Variants in UNC5D observed in about 807,000 individuals in gnomAD.
UNC5D encodes the protein netrin receptor UNC5D.
Under a neutral mutation model 105.4 loss-of-function variants are expected in UNC5D, and 39 were observed. The ratio of observed to expected loss-of-function variants is 0.37; its 90% CI spans 0.29 to 0.48. The LOEUF is 0.48. Among genes scored for constraint, UNC5D ranks in the 20% least tolerant of loss-of-function variants. The pLI is 0.98. For synonymous variants in UNC5D, 452 were observed against 450.4 expected (o/e 1.00, Z -0.04); for missense variants, 991 against 1,202.4 (o/e 0.82, Z 2.60).
rs1803093438 is a variant in UNC5D at position 35,792,638 on chromosome 8, G to T, written c.*2075G>T. The T allele has an allele frequency of 6.2e-6, 1 of 161,450 alleles. No individual in the cohort carries two copies. The highest frequency in any genetic ancestry group is 6.4e-5 in the Admixed American group (1 of 15,682). 10.0% of individuals were successfully genotyped at this position (161,450 alleles called of 1,614,324 possible). A position where few individuals can be genotyped will look rare whatever the true frequency, so the allele number is the denominator to read the frequency against. Reference sequence around the variant, plus strand: ...TGGTCAACCAGTCACTAGTTGGTTGGCATGAGGTGGTGTGCAGAGGAAAGC... The same window carrying T: ...TGGTCAACCAGTCACTAGTTGGTTGTCATGAGGTGGTGTGCAGAGGAAAGC... On this transcript the variant is annotated 3_prime_UTR_variant, in exon 17 of 17. Transcript: ENST00000404895.
chr8:35,469,904 G>T (rs1161738038), intron 1 of UNC5D, among the ~76,000 whole-genome samples: 1 of 152,162 alleles, frequency 6.6e-6, no homozygotes, highest in Non-Finnish European at 1.5e-5. Flanking sequence ...GTACGGGAAT[G>T]AAGGAAAGGA....
At position 35,789,137 on chromosome 8, in the gene UNC5D, CTATATATA is replaced by C. The variant is rs58201859; in HGVS notation, c.2658-1178_2658-1171del. ...AAATAAGACTGAGTGGGAGAAAAGA[CTATATATA>C]TATATATATATATATATATATATAT... On this transcript the variant is annotated intron_variant, in intron 16 of 16. Coordinates refer to ENST00000404895, the MANE Select transcript of UNC5D (RefSeq NM_080872.4). Among the ~76,000 whole-genome samples the C allele has an allele frequency of 9.6e-3, 310 of 32,380 alleles. 3 individuals carry two copies. Among genetic ancestry groups the C allele is most frequent in the Middle Eastern group, 0.031 (1 of 32 alleles). 21.2% of individuals were successfully genotyped at this position (32,380 alleles called of 152,430 possible).
At chr8:35,778,093 G>A (rs576737714) in intron 16 of UNC5D, among the ~76,000 whole-genome samples, 81 of 152,300 alleles carry the variant, frequency 5.3e-4, no homozygotes, top group Middle Eastern at 6.8e-3. Flanking sequence ...TTCATGTCCT[G>A]TTTTAAGTAG....
At chr8:35,747,159 G>A (rs1830051636) in intron 11 of UNC5D, among the ~76,000 whole-genome samples, 1 of 152,138 alleles carries the variant, frequency 6.6e-6, no homozygotes, top group Admixed American at 6.5e-5. Context: ...GGAGAGGGGA[G>A]GAGACAACAT....
intron 1 of UNC5D, among the ~76,000 whole-genome samples, chr8:35,495,270 G>A (rs1384762586): frequency 1.3e-5 from 2 of 151,926 alleles, no homozygotes; most frequent in Non-Finnish European, 2.9e-5. Flanking sequence ...CTTTTTTCTA[G>A]CAAAATTTTG....
intron 1 of UNC5D, among the ~76,000 whole-genome samples, chr8:35,522,251 C>T (rs1813536448): frequency 1.3e-5 from 2 of 152,166 alleles, no homozygotes; most frequent in Admixed American, 6.5e-5. Context: ...TGTCTAAAAT[C>T]TGATTTGGGG....
intron 7 of UNC5D, among the ~76,000 whole-genome samples, chr8:35,704,343 G>A (rs78930937): frequency 0.055 from 8,435 of 152,224 alleles, 302 homozygotes; most frequent in Middle Eastern, 0.099. Flanking sequence ...CATGTTAAAT[G>A]CAGGAGTGAG....
At chr8:35,515,666 C>A (rs570002629) in intron 1 of UNC5D, among the ~76,000 whole-genome samples, 2 of 152,298 alleles carry the variant, frequency 1.3e-5, no homozygotes, top group South Asian at 2.1e-4. Context: ...GCCTGGGCAA[C>A]AAAATGAGAC....
At chr8:35,601,571 G>A (rs1319546947) in intron 4 of UNC5D, among the ~76,000 whole-genome samples, 1 of 152,112 alleles carries the variant, frequency 6.6e-6, no homozygotes, top group Non-Finnish European at 1.5e-5. Flanking sequence ...GTTGTGAATG[G>A]GAGTTCACTC....
At chr8:35,427,564 T>C (rs1436398819) in intron 1 of UNC5D, among the ~76,000 whole-genome samples, 1 of 152,188 alleles carries the variant, frequency 6.6e-6, no homozygotes, top group Non-Finnish European at 1.5e-5. Context: ...CACTGTTCTT[T>C]GAAGAATGAG....
At chr8:35,456,077 C>A (rs1808471465) in intron 1 of UNC5D, among the ~76,000 whole-genome samples, 1 of 152,094 alleles carries the variant, frequency 6.6e-6, no homozygotes, top group South Asian at 2.1e-4. Context: ...CTTGGCCTGC[C>A]TAATTCAGAT....
At chr8:35,530,249 G>C (rs1586060167) in intron 1 of UNC5D, among the ~76,000 whole-genome samples, 2 of 142,790 alleles carry the variant, frequency 1.4e-5, no homozygotes, top group East Asian at 4.3e-4. Flanking sequence ...AGAGTTTTTA[G>C]CATGAAGGGT....
chr8:35,539,964 A>T (rs1815148991), intron 1 of UNC5D, among the ~76,000 whole-genome samples: 1 of 152,226 alleles, frequency 6.6e-6, no homozygotes, highest in African/African-American at 2.4e-5. Context: ...ATTTTCCAAG[A>T]GTGAAAAATA....
At chr8:35,707,972 G>A (rs1827700137) in intron 8 of UNC5D, among the ~76,000 whole-genome samples, 1 of 152,154 alleles carries the variant, frequency 6.6e-6, no homozygotes, top group Admixed American at 6.5e-5. Flanking sequence ...AATCCAATCG[G>A]GGTTCTGTAA....
intron 8 of UNC5D, among the ~76,000 whole-genome samples, chr8:35,709,720 T>A (rs7846338): frequency 0.079 from 12,012 of 152,054 alleles, 1,013 homozygotes; most frequent in African/African-American, 0.2. Flanking sequence ...AAATAAGTTA[T>A]GTTTAAGAAT....
At chr8:35,309,085 A>T (rs771590377) in intron 1 of UNC5D, among the ~76,000 whole-genome samples, 3 of 152,158 alleles carry the variant, frequency 2.0e-5, no homozygotes, top group Non-Finnish European at 2.9e-5. Flanking sequence ...CTGAGGGTCG[A>T]TCCCTAATCA....
intron 16 of UNC5D, among the ~76,000 whole-genome samples, chr8:35,775,841 C>T (rs1005255737): frequency 2.0e-5 from 3 of 151,990 alleles, no homozygotes; most frequent in Non-Finnish European, 2.9e-5. Flanking sequence ...AAAGTCAAGA[C>T]GGAGGCATTG....
At chr8:35,692,932 C>G (rs1198436143) in intron 7 of UNC5D, among the ~76,000 whole-genome samples, 1 of 152,142 alleles carries the variant, frequency 6.6e-6, no homozygotes, top group Non-Finnish European at 1.5e-5. Context: ...ATGTATACTG[C>G]ATAGCAAATG....
chr8:35,287,907 C>T (rs1806730070), intron 1 of UNC5D, among the ~76,000 whole-genome samples: 2 of 151,792 alleles, frequency 1.3e-5, no homozygotes, highest in Admixed American at 6.6e-5. Flanking sequence ...TTGAAATTAT[C>T]GAATCAAAGC....
Sources: allele counts gnomAD v4.1 joint callset (sites outside exome capture counted in the v4.1 genomes callset), GRCh38; gene constraint gnomAD v4.1.1; transcripts MANE v1.5; gene names NCBI Gene and HGNC (gene_info 2026-07-23, HGNC 2026-07-21).